The following IFT43 variants were observed in gnomAD, a reference collection of about 807,000 sequenced individuals.
The protein encoded by IFT43 is intraflagellar transport protein 43 homolog.
A neutral mutation model predicts 32.3 loss-of-function variants in IFT43; 33 were observed. The observed-to-expected ratio is 1.02, with a 90% confidence interval of 0.77 to 1.37. The LOEUF (loss-of-function observed/expected upper bound fraction) is 1.37. Ranked by LOEUF, IFT43 falls within the 40% of genes most tolerant of loss-of-function variation. The pLI is 0.00. For missense variants in IFT43, 274 were observed against 265.9 expected, an observed-to-expected ratio of 1.03 and a Z score of -0.21; for synonymous variants, 93 against 98.2, an observed-to-expected ratio of 0.95 and a Z score of 0.31.
rs578023842 is a variant in IFT43 at position 76,014,101 on chromosome 14, A to G, written c.148-8226A>G. The G allele has an allele frequency of 1.3e-4, 38 of 282,508 alleles. 1 individual carries two copies. In the East Asian group the frequency reaches 1.8e-3, roughly 14 times the overall value. The allele number at this position is 282,508 out of a possible 1,614,324, so 17.5% of individuals were successfully genotyped here. On this transcript the variant is annotated intron_variant, in intron 2 of 8. Coordinates refer to ENST00000314067, the MANE Select transcript of IFT43 (RefSeq NM_001102564.3). Reference sequence around the variant, plus strand: ...CTGTAAAAAATTCTATAAGAATGCTAAAGAGTTTACAAAGAAATATGAGGA... The same window carrying G: ...CTGTAAAAAATTCTATAAGAATGCTGAAGAGTTTACAAAGAAATATGAGGA...
chr14:76,069,606 G>A (rs1479730306), intron 5 of IFT43, among the ~76,000 whole-genome samples: 1 of 152,164 alleles, frequency 6.6e-6, no homozygotes, highest in Non-Finnish European at 1.5e-5. Context: ...AGAATGTTCA[G>A]GTGGAATAAT....
rs186822788 is a variant in IFT43, at chr14:75,996,253, C to T, written c.147+7276C>T. On this transcript the variant is annotated intron_variant, in intron 2 of 8. Transcript: ENST00000314067. The stretch of plus-strand genomic sequence containing the variant: ...TAATCTGAGAAGTAGAAAAGATGAT[C>T]GTTTTGTCTTTAATCCCAGCTCTGC... Among the ~76,000 whole-genome samples the T allele has an allele frequency of 5.9e-5, 9 of 152,264 alleles. No individual in the cohort carries two copies. In the East Asian group the frequency reaches 1.5e-3, roughly 26 times the overall value.
At chr14:76,053,444 T>C (rs986369965) in intron 3 of IFT43, among the ~76,000 whole-genome samples, 1 of 152,038 alleles carries the variant, frequency 6.6e-6, no homozygotes, top group Admixed American at 6.6e-5. Flanking sequence ...GGAGCTGAGG[T>C]ACTGGGCTTT....
intron 2 of IFT43, among the ~76,000 whole-genome samples, chr14:76,020,696 C>CTT (rs1309758268): frequency 6.6e-6 from 1 of 152,144 alleles, no homozygotes; most frequent in Non-Finnish European, 1.5e-5. Flanking sequence ...TGTGACAAGG[C>CTT]TTTATTGCAA....
intron 2 of IFT43, among the ~76,000 whole-genome samples, chr14:75,990,810 A>G (rs1476241021): frequency 1.3e-5 from 2 of 152,242 alleles, no homozygotes; most frequent in Admixed American, 1.3e-4. Flanking sequence ...GATGGAAGCC[A>G]ATTCTTGGCC....
chr14:76,006,359 T>C (rs570481703), intron 2 of IFT43, among the ~76,000 whole-genome samples: 1 of 152,342 alleles, frequency 6.6e-6, no homozygotes, highest in Admixed American at 6.5e-5. Context: ...TCCTAGGTCC[T>C]GCCTTTCATG....
chr14:76,010,210 T>TG (rs1386800873), intron 2 of IFT43, among the ~76,000 whole-genome samples: 7 of 152,214 alleles, frequency 4.6e-5, no homozygotes, highest in Admixed American at 1.3e-4. Context: ...AGCACCTTCC[T>TG]CCGTCACCTG....
chr14:76,059,851 G>A (rs1228176891), intron 5 of IFT43, among the ~76,000 whole-genome samples: 3 of 152,238 alleles, frequency 2.0e-5, no homozygotes, highest in African/African-American at 7.2e-5. Flanking sequence ...AAGGCATGGA[G>A]AGGTTAAGTA....
rs2036681603 is a variant in IFT43 at position 76,040,218 on chromosome 14, G to GA, written c.215+17824_215+17825insA. On this transcript the variant is annotated intron_variant, in intron 3 of 8. Coordinates refer to ENST00000314067, the MANE Select transcript of IFT43 (RefSeq NM_001102564.3). ...CAGTACTTTGGCCTCTCAAAGTACTGGGATTACAGGTGTGAGTCACTGTGC... is the reference window on the plus strand; with the variant it reads ...CAGTACTTTGGCCTCTCAAAGTACTGAGGATTACAGGTGTGAGTCACTGTGC... Among the ~76,000 whole-genome samples the GA allele has an allele frequency of 2.0e-5, 3 of 152,150 alleles. No homozygotes were observed. In the South Asian group the frequency reaches 6.2e-4, roughly 31 times the overall value.
chr14:76,037,118 A>G (rs34286347), intron 3 of IFT43, among the ~76,000 whole-genome samples: 2,622 of 152,272 alleles, frequency 0.017, 38 homozygotes, highest in African/African-American at 0.039. Context: ...GTTGCTTCCT[A>G]GTCATGGTGT....
chr14:76,082,182 C>G (rs2037522065), intron 5 of IFT43, 113 bp from the exon 6 acceptor site: 4 of 954,146 alleles, frequency 4.2e-6, no homozygotes, highest in Non-Finnish European at 6.9e-6. Flanking sequence ...TCCTTCCTGC[C>G]CCAGCCCACA....
At chr14:76,042,107 G>A (rs1360248772) in intron 3 of IFT43, among the ~76,000 whole-genome samples, 3 of 149,834 alleles carry the variant, frequency 2.0e-5, no homozygotes, top group Non-Finnish European at 4.5e-5. Flanking sequence ...TATGGACGAG[G>A]ACACACACAC....
chr14:76,073,403 G>A (rs939263941), intron 5 of IFT43, among the ~76,000 whole-genome samples: 6 of 152,198 alleles, frequency 3.9e-5, no homozygotes, highest in African/African-American at 1.4e-4. Context: ...CACACATGGA[G>A]ATAAGTTTCT....
chr14:76,080,764 G>A (rs887642278), intron 5 of IFT43, among the ~76,000 whole-genome samples: 3 of 152,002 alleles, frequency 2.0e-5, no homozygotes, highest in African/African-American at 7.3e-5. Flanking sequence ...AGAACGAGAG[G>A]GAAAAAGAAA....
At chr14:76,055,929 T>C (rs1321892641) in intron 3 of IFT43, among the ~76,000 whole-genome samples, 1 of 152,138 alleles carries the variant, frequency 6.6e-6, no homozygotes, top group Non-Finnish European at 1.5e-5. Context: ...GGACCCCCAG[T>C]GTTTGGGAGC....
chr14:75,992,733 G>C (rs888990831), intron 2 of IFT43, among the ~76,000 whole-genome samples: 2 of 152,050 alleles, frequency 1.3e-5, no homozygotes, highest in African/African-American at 4.8e-5. Context: ...TAGAGACGAA[G>C]ACTTGTTATG....
chr14:76,044,695 A>T (rs12891993), intron 3 of IFT43, among the ~76,000 whole-genome samples: 6 of 152,152 alleles, frequency 3.9e-5, no homozygotes, highest in Non-Finnish European at 8.8e-5. Context: ...TCATTAGCAT[A>T]CAAAAAGACA....
intron 1 of IFT43, among the ~76,000 whole-genome samples, chr14:75,987,563 C>G (rs981190054): frequency 1.2e-4 from 18 of 152,200 alleles, no homozygotes; most frequent in African/African-American, 4.3e-4. Context: ...TCAGTTTCCT[C>G]CTTTGTAAAA....
In IFT43 at chr14:76,082,386, G is replaced by A; in HGVS notation, c.368+19G>A. ...CTCCCAGGTAGGTTAAATCAGATAT[G>A]ATTGGGGAGGCAAAGAACACGTGAA... is the stretch of plus-strand genomic sequence containing the variant. On this transcript the variant is annotated intron_variant, in intron 6 of 8. Coordinates refer to ENST00000314067, the MANE Select transcript of IFT43 (RefSeq NM_001102564.3). 1.4e-6 allele frequency: 2 copies of A among 1,476,644 alleles called. No homozygotes were observed. The highest frequency in any genetic ancestry group is 4.5e-5 in the East Asian group (2 of 44,266). The allele number at this position is 1,476,644 out of a possible 1,614,324, so 91.5% of individuals were successfully genotyped here.
Sources: gnomAD v4.1 joint callset for allele counts (sites outside exome capture counted in the v4.1 genomes callset) on GRCh38, gnomAD v4.1.1 for gene constraint, MANE v1.5 for transcripts, NCBI Gene and HGNC (gene_info 2026-07-23, HGNC 2026-07-21) for gene names.